Variants in RDH13 observed in about 807,000 individuals in gnomAD.
RDH13 encodes the protein retinol dehydrogenase 13.
Under a neutral mutation model 28.3 loss-of-function variants are expected in RDH13, and 35 were observed. That is an observed-to-expected ratio of 1.24 (90% CI 0.95 to 1.64). RDH13 has a LOEUF of 1.64. RDH13 is among the 40% of genes most tolerant of loss of function. RDH13 has a pLI of 0.00. For missense variants in RDH13, 514 were observed against 446.3 expected, an observed-to-expected ratio of 1.15 and a Z score of -1.37; for synonymous variants, 229 against 198.5, an observed-to-expected ratio of 1.15 and a Z score of -1.29.
At chr19:55,067,614 G>A (rs754724822), upstream of RDH13, 1 of 152,200 alleles carries the variant, frequency 6.6e-6, no homozygotes, top group Admixed American at 6.5e-5. Flanking sequence ...GACTCAGAGG[G>A]CGCTGGGTAC....
At chr19:55,053,228 C>T (rs1273852762) in intron 3 of RDH13, among the ~76,000 whole-genome samples, 1 of 152,198 alleles carries the variant, frequency 6.6e-6, no homozygotes, top group African/African-American at 2.4e-5. Context: ...TGGTAGAATA[C>T]ACACCACATA....
In RDH13 at chr19:55,048,325, G is replaced by C. The variant is rs771088883; in HGVS notation, c.658+4C>G. On this transcript the variant is annotated splice_donor_region_variant and intron_variant, in intron 5 of 6. Transcript: ENST00000415061. ...GAGGGAGGCCGAGCCTAGCGCCCCC[G>C]TACCTTGCAGCCGCCGGCTCAGCTC... The C allele has an allele frequency of 6.2e-7, 1 of 1,614,042 alleles. No individual in the cohort carries two copies. Among genetic ancestry groups the C allele is most frequent in the Non-Finnish European group, 8.5e-7 (1 of 1,180,042 alleles).
upstream of RDH13, among the ~76,000 whole-genome samples, chr19:55,064,797 G>C (rs2075923418): frequency 6.7e-6 from 1 of 150,082 alleles, no homozygotes; most frequent in Admixed American, 7.0e-5. Flanking sequence ...ATTTTTAGTA[G>C]AGACGGGGTT....
In RDH13 at chr19:55,063,036, G is replaced by C; in HGVS notation, c.-4C>G. On this transcript the variant is annotated 5_prime_UTR_variant, in exon 1 of 7. Coordinates refer to ENST00000415061, the MANE Select transcript of RDH13 (RefSeq NM_001145971.2). ...GCGGCAGCAGGTAGCGGCTCATGCC[G>C]GGCCGGGGACAGGCGTCAGGCGTCA... is the stretch of plus-strand genomic sequence containing the variant. The C allele has an allele frequency of 7.3e-7, 1 of 1,371,872 alleles. No individual in the cohort carries two copies. The highest frequency in any genetic ancestry group is 1.6e-5 in the South Asian group (1 of 62,324). 85.0% of individuals were successfully genotyped at this position (1,371,872 alleles called of 1,614,324 possible).
At position 55,056,679 on chromosome 19, in the gene RDH13, C is replaced by G. The variant is rs144942284; in HGVS notation, c.314G>C (p.Arg105Pro). Residue 105 changes from arginine (R) to proline (P), a missense_variant, in exon 3 of 7, where the codon CGA becomes CCA. Physicochemically the swap from Arg to Pro is moderately radical, Grantham distance 103. Transcript: ENST00000415061. ...TTCAATGATCTTTGCTGCAAACTCT[C>G]GGATAGACTTGAGGGAAGCCAAGTC... The part of the protein sequence containing the change: ...HLDLASLKSI[R>P]EFAAKIIEEE... 8.5e-5 allele frequency: 137 copies of G among 1,613,908 alleles called. 1 individual carries two copies. Among genetic ancestry groups the G allele is most frequent in the Admixed American group, 6.7e-4 (40 of 59,960 alleles).
At position 55,048,395 on chromosome 19, in the gene RDH13, C is replaced by T. The variant is rs1200040626; in HGVS notation, c.592G>A (p.Ala198Thr). ...GCGAGCTTGCTCTGGCAGTAGGCGG[C>T]TTTGGTGTTATACTTCCTCGTCTGC... is the stretch of plus-strand genomic sequence containing the variant. ...NWQTRKYNTK[A>T]AYCQSKLAIV... is the part of the protein sequence containing the mutation. Residue 198 changes from alanine to threonine, a missense_variant, in exon 5 of 7, where the codon GCC becomes ACC. By Grantham distance (58) the Ala-to-Thr change is moderately conservative. Coordinates refer to ENST00000415061, the MANE Select transcript of RDH13 (RefSeq NM_001145971.2). The T allele has an allele frequency of 6.2e-7, 1 of 1,614,152 alleles. No individual in the cohort carries two copies. The highest frequency in any genetic ancestry group is 2.2e-5 in the East Asian group (1 of 44,884).
At chr19:55,049,985 C>CT (rs1222896394) in intron 3 of RDH13, among the ~76,000 whole-genome samples, 1 of 147,710 alleles carries the variant, frequency 6.8e-6, no homozygotes, top group Non-Finnish European at 1.5e-5. Flanking sequence ...TTCATTTTTC[C>CT]TTTTTTAATT....
intron 1 of RDH13, among the ~76,000 whole-genome samples, chr19:55,062,371 G>T (rs957442612): frequency 6.6e-6 from 1 of 152,102 alleles, no homozygotes; most frequent in African/African-American, 2.4e-5. Context: ...AGCCACAGAG[G>T]CTAATTTTTA....
rs1044904166 is a variant in RDH13, at chr19:55,063,141, G to A, written c.-109C>T. The A allele has an allele frequency of 5.6e-6, 6 of 1,077,814 alleles. No homozygotes were observed. Among genetic ancestry groups the A allele is most frequent in the Admixed American group, 4.3e-5 (1 of 23,360 alleles). The allele number at this position is 1,077,814 out of a possible 1,614,324, so 66.8% of individuals were successfully genotyped here. A position where few individuals can be genotyped will look rare whatever the true frequency, so the allele number is the denominator to read the frequency against. On this transcript the variant is annotated 5_prime_UTR_variant, in exon 1 of 7. Coordinates refer to ENST00000415061, the MANE Select transcript of RDH13 (RefSeq NM_001145971.2). ...GCGCGCGACGCAGCCACAGGCGAGC[G>A]GAGGCGCAGGCGCGGCTGGGCCCGC...
chr19:55,048,309 C>A lies in RDH13; in HGVS notation c.658+20G>T. On this transcript the variant is annotated intron_variant, in intron 5 of 6. Transcript: ENST00000415061. ...GCTCAGAGTAAAGCAAGAGGGAGGCCGAGCCTAGCGCCCCCGTACCTTGCA... is the reference window on the plus strand; with the variant it reads ...GCTCAGAGTAAAGCAAGAGGGAGGCAGAGCCTAGCGCCCCCGTACCTTGCA... 6.2e-7 allele frequency: 1 copy of A among 1,613,588 alleles called. No homozygotes were observed. The highest frequency in any genetic ancestry group is 8.5e-7 in the Non-Finnish European group (1 of 1,179,894).
At chr19:55,048,581 C>G (rs748685529) in intron 4 of RDH13, 40 bp from the exon 5 acceptor site, 25 of 1,611,682 alleles carry the variant, frequency 1.6e-5, no homozygotes, top group Non-Finnish European at 1.6e-5. Context: ...TTGACTCACA[C>G]CTAAAATCCC....
At chr19:55,052,744 C>CT (rs1248133192) in intron 3 of RDH13, among the ~76,000 whole-genome samples, 36 of 151,602 alleles carry the variant, frequency 2.4e-4, no homozygotes, top group Admixed American at 1.6e-3. Flanking sequence ...TCACTGCAAG[C>CT]TCCACCTCCC....
chr19:55,068,658 A>G (rs2076001298), intron 1 of RDH13: 1 of 144,618 alleles, frequency 6.9e-6, no homozygotes, highest in Non-Finnish European at 1.5e-5. Context: ...ACACAGTGAA[A>G]CCCCGTCTCT....
intron 5 of RDH13, chr19:55,047,905 C>T: frequency 5.6e-6 from 3 of 536,810 alleles, no homozygotes; most frequent in South Asian, 4.1e-5. Flanking sequence ...GAGGGGCCAT[C>T]CCGTGCGCTG....
At chr19:55,057,547 C>G (rs1156454046) in intron 2 of RDH13, among the ~76,000 whole-genome samples, 3 of 151,922 alleles carry the variant, frequency 2.0e-5, no homozygotes, top group Non-Finnish European at 4.4e-5. Flanking sequence ...ATTCTCCTGC[C>G]TCAGCCTCCC....
chr19:55,057,127 A>G (rs1384661278), intron 2 of RDH13, among the ~76,000 whole-genome samples: 1 of 152,190 alleles, frequency 6.6e-6, no homozygotes, highest in Non-Finnish European at 1.5e-5. Context: ...CACAGCGTAC[A>G]ATCCCATTTA....
chr19:55,049,311 G>A (rs1297169240), intron 3 of RDH13, among the ~76,000 whole-genome samples: 1 of 152,008 alleles, frequency 6.6e-6, no homozygotes. Context: ...GGGAGCCCCG[G>A]CACCGCAGGC....
intron 3 of RDH13, among the ~76,000 whole-genome samples, chr19:55,050,199 C>T (rs1011873857): frequency 6.6e-6 from 1 of 151,816 alleles, no homozygotes; most frequent in Non-Finnish European, 1.5e-5. Context: ...TCACTGCAAC[C>T]TCTGCCTCCC....
chr19:55,047,767 A>G (rs1437533560), intron 5 of RDH13, among the ~76,000 whole-genome samples: 1 of 152,134 alleles, frequency 6.6e-6, no homozygotes, highest in Non-Finnish European at 1.5e-5. Context: ...GTGGGACCTA[A>G]GATACTGTAA....
Sources: gnomAD v4.1 joint callset for allele counts (sites outside exome capture counted in the v4.1 genomes callset) on GRCh38, gnomAD v4.1.1 for gene constraint, MANE v1.5 for transcripts, NCBI Gene and HGNC (gene_info 2026-07-23, HGNC 2026-07-21) for gene names.